The following WDR62 variants were observed in gnomAD, a reference collection of about 807,000 sequenced individuals.
WDR62 encodes the protein WD repeat domain 62, also known as WD repeat-containing protein 62.
In WDR62, 112 loss-of-function variants were observed where a neutral mutation model predicts 160.6. That is an observed-to-expected ratio of 0.70 (90% CI 0.60 to 0.82). The LOEUF is 0.82. WDR62 is among the 40% of genes least tolerant of loss of function. The pLI is 0.00. For synonymous variants in WDR62, 792 were observed against 815.1 expected (o/e 0.97, Z 0.48); for missense variants, 1,819 against 1,983.8 (o/e 0.92, Z 1.58).
chr19:36,109,719 G>GT (rs1269788877), downstream of WDR62, among the ~76,000 whole-genome samples: 2 of 146,846 alleles, frequency 1.4e-5, no homozygotes, highest in Admixed American at 1.4e-4. Context: ...GGGCAACAGA[G>GT]TGAGAATCTG....
chr19:36,098,393 C>T (rs865778596), intron 21 of WDR62, among the ~76,000 whole-genome samples: 4 of 151,938 alleles, frequency 2.6e-5, no homozygotes, highest in African/African-American at 9.6e-5. Context: ...GGTAAAACCC[C>T]GTCTCTACTA....
chr19:36,102,189 T>C (rs747763620), intron 26 of WDR62, 38 bp downstream of exon 26: 3 of 1,613,592 alleles, frequency 1.9e-6, no homozygotes, highest in Non-Finnish European at 2.5e-6. Context: ...CGAGGCCGTC[T>C]GTGCAGCCTG....
chr19:36,056,073 G>A (rs1261608828), intron 1 of WDR62, among the ~76,000 whole-genome samples: 1 of 152,182 alleles, frequency 6.6e-6, no homozygotes, highest in East Asian at 1.9e-4. Flanking sequence ...GCTGAGGCGG[G>A]AGAAATCGCT....
intron 24 of WDR62, 42 bp from the exon 25 acceptor site, chr19:36,101,622 A>G (rs1485949524): frequency 6.8e-7 from 1 of 1,468,106 alleles, no homozygotes; most frequent in Admixed American, 2.0e-5. Flanking sequence ...GCTCACCAGA[A>G]TGGTCAGGCT....
downstream of WDR62, among the ~76,000 whole-genome samples, chr19:36,106,939 G>T (rs749259747): frequency 6.6e-6 from 1 of 152,184 alleles, no homozygotes; most frequent in Non-Finnish European, 1.5e-5. Context: ...CATCTGCCTA[G>T]TTCGGCCACC....
chr19:36,076,855 G>A (rs1278266985), intron 9 of WDR62, among the ~76,000 whole-genome samples: 1 of 152,022 alleles, frequency 6.6e-6, no homozygotes, highest in Non-Finnish European at 1.5e-5. Flanking sequence ...TTTTAAAATA[G>A]TTATACTATA....
At chr19:36,080,113 TTA>T (rs1225939314) in intron 9 of WDR62, among the ~76,000 whole-genome samples, 1 of 122,392 alleles carries the variant, frequency 8.2e-6, no homozygotes, top group African/African-American at 2.7e-5. Flanking sequence ...TATTTTTTTA[TTA>T]TTTTTTTTTT....
At chr19:36,074,100 A>G in intron 9 of WDR62, 2 of 263,902 alleles carry the variant, frequency 7.6e-6, no homozygotes, top group Non-Finnish European at 1.5e-5. Flanking sequence ...GGAGTTTGAG[A>G]CCAGCCTGGG....
At chr19:36,092,640 C>A in intron 18 of WDR62, 49 bp from the exon 19 acceptor site, 1 of 1,612,750 alleles carries the variant, frequency 6.2e-7, no homozygotes, top group Non-Finnish European at 8.5e-7. Context: ...GCAGCGGCTC[C>A]CATGCTTACT....
chr19:36,097,484 G>A (rs1049110037), intron 21 of WDR62, among the ~76,000 whole-genome samples: 2 of 152,188 alleles, frequency 1.3e-5, no homozygotes, highest in African/African-American at 2.4e-5. Flanking sequence ...AGGCTGAAGT[G>A]GGAGGATCAC....
chr19:36,101,291 G>T lies in WDR62; in HGVS notation c.2945G>T (p.Ser982Ile), dbSNP rs11540047. 2 of 1,612,062 alleles carry T rather than the reference G, an allele frequency of 1.2e-6. No individual in the cohort carries two copies. The highest frequency in any genetic ancestry group is 1.7e-6 in the Non-Finnish European group (2 of 1,179,566). The change falls in exon 24 of 32, where the codon AGC (serine) becomes ATC (isoleucine). Residue 982 changes from serine (S) to isoleucine (I), a missense_variant. Transcript: ENST00000401500. The stretch of plus-strand genomic sequence containing the variant: ...TCCTACCTCAGGGTGTCCTCCGACA[G>T]CCCAAAGGACCAGAGCCCGCCTGAG... ...GDSYLRVSSDSPKDQSPPEDS... is the reference protein window; with the variant it reads ...GDSYLRVSSDIPKDQSPPEDS...
At chr19:36,082,194 C>T (rs951253097) in intron 10 of WDR62, among the ~76,000 whole-genome samples, 8 of 152,072 alleles carry the variant, frequency 5.3e-5, no homozygotes, top group African/African-American at 1.4e-4. Flanking sequence ...TAGTGAGGGC[C>T]GACAGTGAAC....
At position 36,090,633 on chromosome 19, in the gene WDR62, C is replaced by T. The variant is rs147612629; in HGVS notation, c.2034+113C>T. The T allele has an allele frequency of 2.6e-5, 25 of 969,822 alleles. No individual in the cohort carries two copies. The African/African-American group carries it at 2.7e-4, about 11-fold the overall frequency. 60.1% of individuals were successfully genotyped at this position (969,822 alleles called of 1,614,324 possible). Reference sequence around the variant, plus strand: ...TTCCTCAGTGCACCGCGCTGCCCAGCACCTTCTCAGGCCTGGTTAAACAAG... The same window carrying T: ...TTCCTCAGTGCACCGCGCTGCCCAGTACCTTCTCAGGCCTGGTTAAACAAG... On this transcript the variant is annotated intron_variant, in intron 16 of 31. Coordinates refer to ENST00000401500, the MANE Select transcript of WDR62 (RefSeq NM_001083961.2).
chr19:36,089,693 C>T (rs1972472552), intron 15 of WDR62, among the ~76,000 whole-genome samples: 1 of 152,214 alleles, frequency 6.6e-6, no homozygotes, highest in African/African-American at 2.4e-5. Context: ...TATTGCCCAC[C>T]TCAGCCTCCC....
downstream of WDR62, among the ~76,000 whole-genome samples, chr19:36,109,267 C>T (rs905239595): frequency 4.6e-5 from 7 of 152,198 alleles, no homozygotes; most frequent in Non-Finnish European, 8.8e-5. Flanking sequence ...TCCCTGTACC[C>T]GTAGCCTGGA....
At position 36,103,404 on chromosome 19, in the gene WDR62, G is replaced by A; in HGVS notation, c.3576G>A (p.Arg1192=). The A allele has an allele frequency of 2.5e-6, 4 of 1,614,122 alleles. No individual in the cohort carries two copies. The highest frequency in any genetic ancestry group is 2.5e-6 in the Non-Finnish European group (3 of 1,180,016). Reference sequence around the variant, plus strand: ...CTTCCTCCGTGCTGCCCACAGACAGGAATCTCCCAACGCCCACATCTGCAC... The same window carrying A: ...CTTCCTCCGTGCTGCCCACAGACAGAAATCTCCCAACGCCCACATCTGCAC... ...VPASSVLPTD[R]NLPTPTSAPT... Residue 1192 remains arginine (R), a synonymous_variant, in exon 30 of 32, where the codon AGG becomes AGA. Coordinates refer to ENST00000401500, the MANE Select transcript of WDR62 (RefSeq NM_001083961.2).
chr19:36,080,114 TA>T (rs1380653205), intron 9 of WDR62, among the ~76,000 whole-genome samples: 6 of 121,300 alleles, frequency 4.9e-5, no homozygotes, highest in South Asian at 2.3e-4. Flanking sequence ...ATTTTTTTAT[TA>T]TTTTTTTTTT....
Position 36,081,561 on chromosome 19 carries a change from C to G in WDR62, c.1362C>G (p.Ile454Met). The G allele has an allele frequency of 6.2e-7, 1 of 1,614,186 alleles. No individual in the cohort carries two copies. The highest frequency in any genetic ancestry group is 8.5e-7 in the Non-Finnish European group (1 of 1,180,032). ...CTGATTCTCACTGGCAGAAAAACAT[C>G]TTCAGCAATGTGAGTGGCTTCCTTT... is the stretch of plus-strand genomic sequence containing the variant. ...SSPDSHWQKNIFSNTLLKVVY... is the reference protein window; with the variant it reads ...SSPDSHWQKNMFSNTLLKVVY... The change falls in exon 10 of 32, where the codon ATC becomes ATG. Residue 454 changes from isoleucine (I) to methionine (M), a missense_variant. This residue lies in a region of WDR62 where 934 missense variants were observed against 1,157.2 expected (regional missense o/e 0.81). Transcript: ENST00000401500.
At chr19:36,101,893 T>G in intron 25 of WDR62, 119 bp downstream of exon 25, 3 of 1,553,156 alleles carry the variant, frequency 1.9e-6, no homozygotes, top group Non-Finnish European at 2.6e-6. Context: ...CGGGGATCCC[T>G]GCTTCTCAGC....
Sources: gnomAD v4.1 joint callset for allele counts (sites outside exome capture counted in the v4.1 genomes callset) on GRCh38, gnomAD v4.1.1 for gene constraint, gnomAD v4.1.1 regional missense constraint, MANE v1.5 for transcripts, NCBI Gene and HGNC (gene_info 2026-07-23, HGNC 2026-07-21) for gene names.